The following HSF5 variants were observed in gnomAD, a reference collection of about 807,000 sequenced individuals.
The protein encoded by HSF5 is heat shock factor protein 5.
Under a neutral mutation model 50.8 loss-of-function variants are expected in HSF5, and 5 were observed. The observed-to-expected ratio is 0.10, with a 90% CI of 0.05 to 0.21. HSF5 has a LOEUF of 0.21. HSF5 is among the 10% of genes least tolerant of loss of function. The probability of loss-of-function intolerance (pLI) is 1.00; values close to 1 mark genes in which losing one functional copy is unlikely to be tolerated. For synonymous variants in HSF5, 307 were observed against 307.4 expected (o/e 1.00, Z 0.02); for missense variants, 564 against 762.6 (o/e 0.74, Z 3.07).
At chr17:58,479,020 G>A (rs1386750201) in intron 2 of HSF5, among the ~76,000 whole-genome samples, 2 of 151,892 alleles carry the variant, frequency 1.3e-5, no homozygotes, top group African/African-American at 4.8e-5. Flanking sequence ...TTGAGTTCCA[G>A]GTCAGTTGTC....
intron 2 of HSF5, 33 bp from the exon 3 acceptor site, chr17:58,467,012 A>G: frequency 5.1e-6 from 7 of 1,370,228 alleles, no homozygotes; most frequent in Non-Finnish European, 7.3e-6. Context: ...AAAGCCATCA[A>G]CCACAATACA....
intron 1 of HSF5, 39 bp downstream of exon 1, chr17:58,487,686 T>C: frequency 7.3e-7 from 1 of 1,365,480 alleles, no homozygotes. Flanking sequence ...GCCGCCCATG[T>C]GCCCACTGTG....
chr17:58,438,627 A>G (rs1974457745), intron 5 of HSF5, among the ~76,000 whole-genome samples: 1 of 152,100 alleles, frequency 6.6e-6, no homozygotes, highest in South Asian at 2.1e-4. Context: ...GACAAAAATC[A>G]CAAGGTGTTG....
At chr17:58,460,100 C>A (rs1403249999) in intron 4 of HSF5, among the ~76,000 whole-genome samples, 1 of 152,146 alleles carries the variant, frequency 6.6e-6, no homozygotes. Context: ...TCACTACAGC[C>A]TTGACCTCCC....
intron 5 of HSF5, among the ~76,000 whole-genome samples, chr17:58,451,948 T>TAAAA (rs61125428): frequency 7.6e-6 from 1 of 131,846 alleles, no homozygotes; most frequent in Non-Finnish European, 1.6e-5. Context: ...AGTTAGACTT[T>TAAAA]AAAAAAAAAA....
chr17:58,476,445 C>A (rs1001997589), intron 2 of HSF5: 2 of 1,065,256 alleles, frequency 1.9e-6, no homozygotes, highest in African/African-American at 3.1e-5. Context: ...AACTTGAACG[C>A]TTTGTCAAAT....
chr17:58,479,838 T>C lies in HSF5; in HGVS notation c.925+55A>G, dbSNP rs888159097. On this transcript the variant is annotated intron_variant, in intron 2 of 5. Coordinates refer to ENST00000323777, the MANE Select transcript of HSF5 (RefSeq NM_001080439.3). The stretch of plus-strand genomic sequence containing the variant: ...TTAAAATGCATTTAAAATATATATA[T>C]ATGCTCATTATAAACAACCTTAAAT... 20 of 1,440,298 alleles carry C rather than the reference T, an allele frequency of 1.4e-5. No individual in the cohort carries two copies. In the South Asian group the frequency reaches 2.1e-4, roughly 15 times the overall value. 89.2% of individuals were successfully genotyped at this position (1,440,298 alleles called of 1,614,324 possible).
intron 5 of HSF5, among the ~76,000 whole-genome samples, chr17:58,423,877 A>G (rs1238784475): frequency 1.3e-5 from 2 of 152,206 alleles, no homozygotes; most frequent in Non-Finnish European, 2.9e-5. Context: ...TTCTCAACAT[A>G]CAAAGACTTT....
chr17:58,456,377 G>A (rs902582086), intron 5 of HSF5, among the ~76,000 whole-genome samples: 9 of 152,044 alleles, frequency 5.9e-5, no homozygotes, highest in African/African-American at 2.2e-4. Context: ...TTTCATAGAA[G>A]AAAGTAGAAT....
chr17:58,428,646 G>A lies in HSF5; in HGVS notation c.1721-6216C>T, dbSNP rs986313844. 3.0e-4 allele frequency among the ~76,000 whole-genome samples: 45 copies of A among 152,046 alleles called. 1 individual carries two copies. Among genetic ancestry groups the A allele is most frequent in the Non-Finnish European group, 1.2e-4 (8 of 68,000 alleles). ...TGCACTCCAGCCTGGGCGACAGAGT[G>A]AGACTCTGTCTCAGAAAAAAATAAA... On this transcript the variant is annotated intron_variant, in intron 5 of 5. Transcript: ENST00000323777.
chr17:58,449,783 G>A (rs1175787306), intron 5 of HSF5, among the ~76,000 whole-genome samples: 1 of 151,794 alleles, frequency 6.6e-6, no homozygotes, highest in Non-Finnish European at 1.5e-5. Flanking sequence ...CAGCACTTTG[G>A]GAGGCCGAGG....
At position 58,421,020 on chromosome 17, in the gene HSF5, C is replaced by T. The variant is rs894348323; in HGVS notation, c.*1340G>A. Reference sequence around the variant, plus strand: ...GTTTCATATTCCTAGGCTTTCCTTTCGTTTCTGCAGTGCTTAATAGGAGAA... The same window carrying T: ...GTTTCATATTCCTAGGCTTTCCTTTTGTTTCTGCAGTGCTTAATAGGAGAA... On this transcript the variant is annotated 3_prime_UTR_variant, in exon 6 of 6. Transcript: ENST00000323777. 1 of 152,626 alleles carries T rather than the reference C, an allele frequency of 6.6e-6. No individual in the cohort carries two copies. Among genetic ancestry groups the T allele is most frequent in the South Asian group, 2.1e-4 (1 of 4,834 alleles). The allele number at this position is 152,626 out of a possible 1,614,324, so 9.5% of individuals were successfully genotyped here. A position where few individuals can be genotyped will look rare whatever the true frequency, so the allele number is the denominator to read the frequency against.
At chr17:58,461,111 G>A (rs1479795700) in intron 4 of HSF5, among the ~76,000 whole-genome samples, 1 of 151,750 alleles carries the variant, frequency 6.6e-6, no homozygotes, top group Non-Finnish European at 1.5e-5. Flanking sequence ...TTACTCAGGA[G>A]GCTGAGGCAG....
rs572521940 is a variant in HSF5 at position 58,432,337 on chromosome 17, AAAG to A, written c.1721-9910_1721-9908del. On this transcript the variant is annotated intron_variant, in intron 5 of 5. Transcript: ENST00000323777. ...GTAATAGGCACTGCAGAAGAAAAAC[AAAG>A]AAGAATAAAGACTGAAGGAGGGCAG... Among the ~76,000 whole-genome samples the A allele has an allele frequency of 9.9e-5, 15 of 152,258 alleles. No individual in the cohort carries two copies. The East Asian group carries it at 2.5e-3, about 25-fold the overall frequency.
At chr17:58,456,901 C>T (rs1598191841) in intron 5 of HSF5, among the ~76,000 whole-genome samples, 1 of 151,932 alleles carries the variant, frequency 6.6e-6, no homozygotes, top group East Asian at 1.9e-4. Flanking sequence ...GGCAGGAGGA[C>T]TGCTTGAGCC....
intron 2 of HSF5, among the ~76,000 whole-genome samples, chr17:58,470,080 T>C (rs895849275): frequency 2.0e-5 from 3 of 152,152 alleles, no homozygotes; most frequent in Non-Finnish European, 4.4e-5. Context: ...AGCATTATAA[T>C]AGTATATTTA....
intron 2 of HSF5, among the ~76,000 whole-genome samples, chr17:58,469,364 TA>T (rs1974914919): frequency 6.6e-6 from 1 of 152,050 alleles, no homozygotes; most frequent in African/African-American, 2.4e-5. Context: ...TAACAGAGAA[TA>T]TGTTAATATA....
At chr17:58,442,133 C>A (rs1443259265) in intron 5 of HSF5, among the ~76,000 whole-genome samples, 1 of 152,156 alleles carries the variant, frequency 6.6e-6, no homozygotes, top group Non-Finnish European at 1.5e-5. Context: ...TGGCTGTGCT[C>A]TGATAATTGG....
At chr17:58,463,995 A>G (rs1974828882) in intron 3 of HSF5, among the ~76,000 whole-genome samples, 1 of 152,256 alleles carries the variant, frequency 6.6e-6, no homozygotes, top group African/African-American at 2.4e-5. Flanking sequence ...TAAATAAAAC[A>G]TGTAATGAAT....
Sources: gnomAD v4.1 joint callset for allele counts (sites outside exome capture counted in the v4.1 genomes callset) on GRCh38, gnomAD v4.1.1 for gene constraint, MANE v1.5 for transcripts, NCBI Gene and HGNC (gene_info 2026-07-23, HGNC 2026-07-21) for gene names.